Variants in ARID1A observed in about 807,000 individuals in gnomAD.
ARID1A encodes the protein AT-rich interactive domain-containing protein 1A.
In ARID1A, 20 loss-of-function variants were observed where a neutral mutation model predicts 212.6. The observed-to-expected ratio is 0.09, with a 90% CI of 0.07 to 0.14. The LOEUF (loss-of-function observed/expected upper bound fraction) is 0.14. Among genes scored for constraint, ARID1A ranks in the 10% least tolerant of loss-of-function variants. The pLI is 1.00. For synonymous variants in ARID1A, 1,376 were observed against 1,222.1 expected (o/e 1.13, Z -2.63); for missense variants, 2,587 against 3,059.0 (o/e 0.85, Z 3.64).
In ARID1A at chr1:26,696,209, G is replaced by T. The variant is rs1570537560; in HGVS notation, c.-195G>T. The T allele has an allele frequency of 2.6e-6, 2 of 762,746 alleles. No individual in the cohort carries two copies. Among genetic ancestry groups the T allele is most frequent in the East Asian group, 4.3e-5 (1 of 23,090 alleles). The allele number at this position is 762,746 out of a possible 1,614,324, so 47.2% of individuals were successfully genotyped here. The stretch of plus-strand genomic sequence containing the variant: ...CGCCGCCGCCGCCTCCTCCTCCTCC[G>T]CCGCCGCCAGCCCGGAGCCTGAGCC... On this transcript the variant is annotated 5_prime_UTR_variant, in exon 1 of 20. Transcript: ENST00000324856.
chr1:26,736,902 CAAAAAAAA>C (rs35005598), intron 4 of ARID1A, among the ~76,000 whole-genome samples: 1,857 of 49,870 alleles, frequency 0.037, 50 homozygotes, highest in African/African-American at 0.12. Flanking sequence ...AATTCTGTCT[CAAAAAAAA>C]AAAAAAAAAA....
In ARID1A at chr1:26,697,183, C is replaced by A; in HGVS notation, c.780C>A (p.Ser260=). 7.0e-7 allele frequency: 1 copy of A among 1,430,630 alleles called. No individual in the cohort carries two copies. Among genetic ancestry groups the A allele is most frequent in the Non-Finnish European group, 9.1e-7 (1 of 1,097,924 alleles). 88.6% of individuals were successfully genotyped at this position (1,430,630 alleles called of 1,614,324 possible). A position where few individuals can be genotyped will look rare whatever the true frequency, so the allele number is the denominator to read the frequency against. Residue 260 remains serine (S), a synonymous_variant, in exon 1 of 20, where the codon TCC becomes TCA. Coordinates refer to ENST00000324856, the MANE Select transcript of ARID1A (RefSeq NM_006015.6). ...CTCCCTCCTCCAGCGCCTCCGCCTC[C>A]TCGTCGTCTTCGTCCTTCGCTCAGC... The part of the protein sequence containing the change: ...KPPPSSSASA[S]SSSSSFAQQR...
At position 26,696,662 on chromosome 1, in the gene ARID1A, G is replaced by A; in HGVS notation, c.259G>A (p.Gly87Arg). The A allele has an allele frequency of 2.3e-6, 3 of 1,318,082 alleles. No homozygotes were observed. Among genetic ancestry groups the A allele is most frequent in the Non-Finnish European group, 2.9e-6 (3 of 1,036,684 alleles). 81.6% of individuals were successfully genotyped at this position (1,318,082 alleles called of 1,614,324 possible). A position where few individuals can be genotyped will look rare whatever the true frequency, so the allele number is the denominator to read the frequency against. Residue 87 changes from glycine to arginine, a missense_variant, in exon 1 of 20, where the codon GGA becomes AGA. By Grantham distance (125) the Gly-to-Arg change is moderately radical. Transcript: ENST00000324856. ...GAGCAATGGGGGTGGCGGCGGCGGC[G>A]GAGCCGGCAGCGGCGGCGGGCCCGG... ...AESNGGGGGGGAGSGGGPGAE... is the reference protein window; with the variant it reads ...AESNGGGGGGRAGSGGGPGAE...
Position 26,761,082 on chromosome 1 carries a change from C to T in ARID1A, c.2147C>T (p.Pro716Leu), listed in dbSNP as rs2124056975. Residue 716 changes from proline to leucine, a missense_variant, in exon 5 of 20, where the codon CCT becomes CTT. Pro to Leu is a moderately conservative substitution (Grantham distance 98). Around this residue, in one of 11 missense-constraint regions of ARID1A, gnomAD observed 674 missense variants for 813.4 expected, o/e 0.83. Transcript: ENST00000324856. ...CAGTCTCGCTCAGGACCACTCTCGC[C>T]TGCTGCAGTGCCAGGTACCCTCAAG... ...VAQSRSGPLSPAAVPGNQMPP... is the reference protein window; with the variant it reads ...VAQSRSGPLSLAAVPGNQMPP... The T allele has an allele frequency of 6.2e-7, 1 of 1,614,162 alleles. No homozygotes were observed. The highest frequency in any genetic ancestry group is 8.5e-7 in the Non-Finnish European group (1 of 1,180,008).
intron 4 of ARID1A, among the ~76,000 whole-genome samples, chr1:26,741,583 C>G (rs756814255): frequency 6.6e-6 from 1 of 152,108 alleles, no homozygotes; most frequent in Admixed American, 6.5e-5. Flanking sequence ...AAAAAGGAAT[C>G]AAAGGCATCC....
chr1:26,773,676 T>C lies in ARID1A; in HGVS notation c.3963T>C (p.Pro1321=), dbSNP rs2081105444. 9 of 1,613,980 alleles carry C rather than the reference T, an allele frequency of 5.6e-6. No homozygotes were observed. The highest frequency in any genetic ancestry group is 7.6e-6 in the Non-Finnish European group (9 of 1,180,030). ...ACCCAGACTCGGGGATGTATTCTCC[T>C]AGCCGCTACCCCCCGCAGCAGCAGC... ...PSNPDSGMYS[P]SRYPPQQQQQ... The change falls in exon 16 of 20, where the codon CCT becomes CCC. Residue 1321 remains proline, a synonymous_variant. Transcript: ENST00000324856.
rs369191183 is a variant in ARID1A at position 26,763,615 on chromosome 1, C to G, written c.2732+330C>G. Among the ~76,000 whole-genome samples the G allele has an allele frequency of 2.7e-3, 408 of 152,302 alleles. 20 individuals carry two copies. In the South Asian group the frequency reaches 0.082, roughly 31 times the overall value. On this transcript the variant is annotated intron_variant, in intron 8 of 19. Coordinates refer to ENST00000324856, the MANE Select transcript of ARID1A (RefSeq NM_006015.6). Reference sequence around the variant, plus strand: ...TGAAACCCCGTCTGTACTAAAAATACAAAAATTAGCTGGGTGTGGTGGCGC... The same window carrying G: ...TGAAACCCCGTCTGTACTAAAAATAGAAAAATTAGCTGGGTGTGGTGGCGC...
intron 1 of ARID1A, among the ~76,000 whole-genome samples, chr1:26,701,712 C>T (rs2080333415): frequency 6.6e-6 from 1 of 152,176 alleles, no homozygotes; most frequent in South Asian, 2.1e-4. Context: ...GGTCTTGAGA[C>T]CATCTTTCTT....
chr1:26,728,390 G>A (rs2080639211), intron 1 of ARID1A, among the ~76,000 whole-genome samples: 1 of 152,154 alleles, frequency 6.6e-6, no homozygotes, highest in African/African-American at 2.4e-5. Flanking sequence ...AGAACGAATT[G>A]TTTGGATCTC....
intron 19 of ARID1A, 27 bp from the exon 20 acceptor site, chr1:26,778,991 CTTAAT>C (rs1557619453): frequency 7.4e-6 from 11 of 1,496,382 alleles, no homozygotes; most frequent in Admixed American, 2.3e-5. Flanking sequence ...ACTTTTCTCC[CTTAAT>C]TTATTTCCTG....
rs146829093 is a variant in ARID1A, at chr1:26,780,102, G to A, written c.6204G>A (p.Ser2068=). The change falls in exon 20 of 20, where the codon TCG becomes TCA. Residue 2068 remains serine (S), a synonymous_variant. Coordinates refer to ENST00000324856, the MANE Select transcript of ARID1A (RefSeq NM_006015.6). The surrounding 1 kb of genome is among the most constrained non-coding windows in gnomAD (Gnocchi z 7.2). The stretch of plus-strand genomic sequence containing the variant: ...CCTTGGTTACACTCGCCAACATCTC[G>A]GGGCAGTTGGACCTATCTCCATACC... The part of the protein sequence containing the change: ...ENTLVTLANI[S]GQLDLSPYPE... 6 of 1,613,994 alleles carry A rather than the reference G, an allele frequency of 3.7e-6. No homozygotes were observed. Among genetic ancestry groups the A allele is most frequent in the African/African-American group, 1.3e-5 (1 of 74,904 alleles).
In ARID1A at chr1:26,729,722, G is replaced by A. The variant is rs3195240; in HGVS notation, c.1209G>A (p.Gln403=). The part of the protein sequence containing the change: ...QPYGGTNPYS[Q]QQGPPSGPQQ... ...ATGGCGGGACTAACCCATACTCGCA[G>A]CAACAGGGACCTCCGTCAGGACCGC... The change falls in exon 2 of 20, where the codon CAG becomes CAA. Residue 403 remains glutamine, a synonymous_variant. Coordinates refer to ENST00000324856, the MANE Select transcript of ARID1A (RefSeq NM_006015.6). 1 of 1,614,270 alleles carries A rather than the reference G, an allele frequency of 6.2e-7. No homozygotes were observed. The highest frequency in any genetic ancestry group is 1.3e-5 in the African/African-American group (1 of 75,068).
Position 26,761,500 on chromosome 1 carries a change from C to A in ARID1A, c.2251+27C>A, listed in dbSNP as rs2080991919. The A allele has an allele frequency of 2.5e-6, 4 of 1,611,490 alleles. No homozygotes were observed. In the East Asian group the frequency reaches 8.9e-5, roughly 36 times the overall value. Reference sequence around the variant, plus strand: ...TGAGAGCCTGGGTGTTGGGGAGGGGCAGGGAGCTAGGGCAGACATTTGAGT... The same window carrying A: ...TGAGAGCCTGGGTGTTGGGGAGGGGAAGGGAGCTAGGGCAGACATTTGAGT... On this transcript the variant is annotated intron_variant, in intron 6 of 19. Transcript: ENST00000324856.
intron 1 of ARID1A, among the ~76,000 whole-genome samples, chr1:26,718,671 T>A (rs2080528213): frequency 6.6e-6 from 1 of 152,206 alleles, no homozygotes. Context: ...AGATATTATG[T>A]AAGTAGTTGT....
intron 4 of ARID1A, among the ~76,000 whole-genome samples, chr1:26,744,926 A>T (rs2124805988): frequency 6.6e-6 from 1 of 152,090 alleles, no homozygotes; most frequent in East Asian, 1.9e-4. Flanking sequence ...GGACAAATGT[A>T]TTTAAAGGCC....
In ARID1A at chr1:26,762,391, A is replaced by G. The variant is rs1191243603; in HGVS notation, c.2419+72A>G. 4.6e-6 allele frequency: 7 copies of G among 1,513,172 alleles called. No homozygotes were observed. In the East Asian group the frequency reaches 9.3e-5, roughly 20 times the overall value. 93.7% of individuals were successfully genotyped at this position (1,513,172 alleles called of 1,614,324 possible). On this transcript the variant is annotated intron_variant, in intron 7 of 19. Transcript: ENST00000324856. ...ACAGTTCCTTGTCTGATATGTTGCC[A>G]TCTAGCTTGTAACCTTGTGAGAGAA...
chr1:26,720,822 T>C (rs574764254), intron 1 of ARID1A, among the ~76,000 whole-genome samples: 2 of 151,464 alleles, frequency 1.3e-5, no homozygotes, highest in Admixed American at 1.3e-4. Context: ...TGGGCCATGA[T>C]TGCACCACTG....
intron 1 of ARID1A, among the ~76,000 whole-genome samples, chr1:26,700,796 T>G (rs1250173410): frequency 1.3e-5 from 2 of 152,236 alleles, no homozygotes; most frequent in African/African-American, 4.8e-5. Flanking sequence ...TACAGGACTC[T>G]TGGAGCTCTC....
intron 4 of ARID1A, among the ~76,000 whole-genome samples, chr1:26,743,237 G>C (rs2124804032): frequency 6.6e-6 from 1 of 152,216 alleles, no homozygotes; most frequent in African/African-American, 2.4e-5. Flanking sequence ...TCTTGATTAG[G>C]ATGTATACCT....
Sources: allele counts gnomAD v4.1 joint callset (sites outside exome capture counted in the v4.1 genomes callset), GRCh38; gene constraint gnomAD v4.1.1; regional missense constraint gnomAD v4.1.1; non-coding constraint Gnocchi (gnomAD v3.1); transcripts MANE v1.5; gene names NCBI Gene and HGNC (gene_info 2026-07-23, HGNC 2026-07-21).